JARID2: variants seen among roughly 807,000 people sequenced by gnomAD.
The protein encoded by JARID2 is jumonji and AT-rich interaction domain containing 2, also known as protein Jumonji.
Under a neutral mutation model 125.6 loss-of-function variants are expected in JARID2, and 21 were observed. The observed-to-expected ratio is 0.17, with a 90% CI of 0.12 to 0.24. JARID2 has a LOEUF of 0.24. JARID2 is among the 10% of genes least tolerant of loss of function. JARID2 has a pLI of 1.00. For missense variants in JARID2, 1,303 were observed against 1,639.6 expected, an observed-to-expected ratio of 0.79 and a Z score of 3.55; for synonymous variants, 736 against 661.6, an observed-to-expected ratio of 1.11 and a Z score of -1.73.
intron 3 of JARID2, among the ~76,000 whole-genome samples, chr6:15,421,825 T>C (rs1451518804): frequency 6.6e-6 from 1 of 152,174 alleles, no homozygotes; most frequent in Non-Finnish European, 1.5e-5. Context: ...GTTGGCTTGG[T>C]GAGCTGTACT....
At chr6:15,518,978 C>A (rs1259047066) in intron 17 of JARID2, among the ~76,000 whole-genome samples, 1 of 152,180 alleles carries the variant, frequency 6.6e-6, no homozygotes, top group East Asian at 1.9e-4. Flanking sequence ...CTTGGGTTCT[C>A]ATGGATGGTG....
intron 2 of JARID2, among the ~76,000 whole-genome samples, chr6:15,383,506 T>A (rs750605529): frequency 6.6e-6 from 1 of 152,216 alleles, no homozygotes; most frequent in Admixed American, 6.5e-5. Context: ...TCCCTTGTTC[T>A]TGCATCTCCT....
At position 15,333,580 on chromosome 6, in the gene JARID2, C is replaced by T. The variant is rs999560137; in HGVS notation, c.46-40537C>T. Among the ~76,000 whole-genome samples the T allele has an allele frequency of 2.0e-5, 3 of 152,164 alleles. No individual in the cohort carries two copies. The South Asian group carries it at 6.2e-4, about 32-fold the overall frequency. The stretch of plus-strand genomic sequence containing the variant: ...GAATGGTGGTTAAATACACATAACA[C>T]CAAATTTATCATTTTAACCATTTTT... On this transcript the variant is annotated intron_variant, in intron 1 of 17. Transcript: ENST00000341776.
At chr6:15,318,243 C>T (rs932191061) in intron 1 of JARID2, among the ~76,000 whole-genome samples, 1 of 152,060 alleles carries the variant, frequency 6.6e-6, no homozygotes, top group African/African-American at 2.4e-5. Flanking sequence ...AATAGGACTT[C>T]TCCATTTGTA....
At chr6:15,265,353 C>T (rs1287557427) in intron 1 of JARID2, among the ~76,000 whole-genome samples, 1 of 136,558 alleles carries the variant, frequency 7.3e-6, no homozygotes, top group Non-Finnish European at 1.5e-5. Context: ...GCATCCCAAA[C>T]TTAGGTTTGC....
intron 1 of JARID2, among the ~76,000 whole-genome samples, chr6:15,342,792 C>G (rs1763111752): frequency 6.6e-6 from 1 of 152,124 alleles, no homozygotes; most frequent in African/African-American, 2.4e-5. Flanking sequence ...CCTTTTCCCA[C>G]CTCGTTATTT....
intron 2 of JARID2, among the ~76,000 whole-genome samples, chr6:15,391,785 T>G (rs1404788353): frequency 1.3e-5 from 2 of 152,200 alleles, no homozygotes; most frequent in Non-Finnish European, 2.9e-5. Flanking sequence ...ATCCTCCTTA[T>G]GTAAAACAAA....
chr6:15,509,111 G>A, intron 12 of JARID2: 1 of 1,289,084 alleles, frequency 7.8e-7, no homozygotes, highest in Non-Finnish European at 1.0e-6. Context: ...GTCCCCGCCT[G>A]TAATCTGACT....
At chr6:15,499,808 G>C (rs1414121357) in intron 7 of JARID2, among the ~76,000 whole-genome samples, 1 of 152,060 alleles carries the variant, frequency 6.6e-6, no homozygotes, top group Non-Finnish European at 1.5e-5. Flanking sequence ...AGTGTGAGTG[G>C]AATTCAGGCT....
rs560234962 is a variant in JARID2, at chr6:15,394,675, A to G, written c.182-15549A>G. On this transcript the variant is annotated intron_variant, in intron 2 of 17. Transcript: ENST00000341776. ...ACAGTTTGGTAAATGTTACCTTTGT[A>G]TGTTTTGAAATTGTACTGGAATAAC... is the stretch of plus-strand genomic sequence containing the variant. Among the ~76,000 whole-genome samples the G allele has an allele frequency of 9.2e-5, 14 of 152,348 alleles. No individual in the cohort carries two copies. The East Asian group carries it at 1.7e-3, about 19-fold the overall frequency.
chr6:15,365,342 C>G (rs1763936490), intron 1 of JARID2, among the ~76,000 whole-genome samples: 1 of 152,116 alleles, frequency 6.6e-6, no homozygotes, highest in African/African-American at 2.4e-5. Context: ...ACCGTCAGAT[C>G]CAGCACTGCA....
rs903452910 is a variant in JARID2, at chr6:15,392,044, G to A, written c.181+17792G>A. Among the ~76,000 whole-genome samples, 10 of 44,886 alleles carry A rather than the reference G, an allele frequency of 2.2e-4. No homozygotes were observed. In the East Asian group the frequency reaches 6.7e-3, roughly 30 times the overall value. 29.4% of individuals were successfully genotyped at this position (44,886 alleles called of 152,430 possible). On this transcript the variant is annotated intron_variant, in intron 2 of 17. Coordinates refer to ENST00000341776, the MANE Select transcript of JARID2 (RefSeq NM_004973.4). ...CAGTGCAGTGATCCCAGAGTGGTGTGTGTGTGTGTGTGTGTGTGTGTGTGT... is the reference window on the plus strand; with the variant it reads ...CAGTGCAGTGATCCCAGAGTGGTGTATGTGTGTGTGTGTGTGTGTGTGTGT...
At chr6:15,454,735 T>C (rs1418708978) in intron 4 of JARID2, among the ~76,000 whole-genome samples, 1 of 152,078 alleles carries the variant, frequency 6.6e-6, no homozygotes, top group African/African-American at 2.4e-5. Context: ...CATGCCATCT[T>C]GGCCTCCCAA....
At chr6:15,414,291 CAT>C (rs1766032585) in intron 3 of JARID2, among the ~76,000 whole-genome samples, 1 of 152,148 alleles carries the variant, frequency 6.6e-6, no homozygotes, top group Non-Finnish European at 1.5e-5. Flanking sequence ...ATGCTAATAA[CAT>C]GTTTTAATTC....
chr6:15,441,869 G>A (rs374661810), intron 3 of JARID2, among the ~76,000 whole-genome samples: 14 of 151,934 alleles, frequency 9.2e-5, no homozygotes, highest in African/African-American at 3.4e-4. Context: ...TCGGCTCACT[G>A]CAACCTCCAC....
Position 15,379,999 on chromosome 6 carries a change from GGAAGGA to G in JARID2, c.181+5749_181+5754del, listed in dbSNP as rs1581478763. Among the ~76,000 whole-genome samples, 3 of 149,668 alleles carry G rather than the reference GGAAGGA, an allele frequency of 2.0e-5. No homozygotes were observed. The East Asian group carries it at 5.9e-4, about 29-fold the overall frequency. On this transcript the variant is annotated intron_variant, in intron 2 of 17. Transcript: ENST00000341776. ...ACTTTTTTTAAGTAGGTATTTATTT[GGAAGGA>G]GGTAAGTGGATTTTTTTTTTTTTTG...
chr6:15,445,502 A>T (rs995397007), intron 3 of JARID2, among the ~76,000 whole-genome samples: 1 of 152,244 alleles, frequency 6.6e-6, no homozygotes, highest in African/African-American at 2.4e-5. Flanking sequence ...AGAAAAAGAA[A>T]GTCACCTTCC....
chr6:15,261,311 C>CTT lies in JARID2; in HGVS notation c.45+14747_45+14748dup, dbSNP rs70996526. Among the ~76,000 whole-genome samples, 192 of 125,776 alleles carry CTT rather than the reference C, an allele frequency of 1.5e-3. 2 individuals are homozygous for CTT. Among genetic ancestry groups the CTT allele is most frequent in the African/African-American group, 2.1e-3 (65 of 30,830 alleles). 82.5% of individuals were successfully genotyped at this position (125,776 alleles called of 152,430 possible). On this transcript the variant is annotated intron_variant, in intron 1 of 17. Coordinates refer to ENST00000341776, the MANE Select transcript of JARID2 (RefSeq NM_004973.4). ...TTGGATGGTGTTTTTTCTTCTTCTT[C>CTT]TTTTTTTTTTTTTTTTTTTTTGAGA...
chr6:15,334,599 T>C (rs1485186994), intron 1 of JARID2, among the ~76,000 whole-genome samples: 3 of 152,210 alleles, frequency 2.0e-5, no homozygotes, highest in Non-Finnish European at 4.4e-5. Context: ...CTGTTTTCCA[T>C]TGCGCTTTGG....
Sources: gnomAD v4.1 joint callset for allele counts (sites outside exome capture counted in the v4.1 genomes callset) on GRCh38, gnomAD v4.1.1 for gene constraint, MANE v1.5 for transcripts, NCBI Gene and HGNC (gene_info 2026-07-23, HGNC 2026-07-21) for gene names.